The following MRC1 variants were observed in gnomAD, a reference collection of about 807,000 sequenced individuals.
MRC1 encodes the protein mannose receptor C-type 1, also known as macrophage mannose receptor 1.
In MRC1, 62 loss-of-function variants were observed where a neutral mutation model predicts 102.9. The ratio of observed to expected loss-of-function variants is 0.60; its 90% CI spans 0.49 to 0.74. MRC1 has a LOEUF of 0.74. Among genes scored for constraint, MRC1 ranks in the 30% least tolerant of loss-of-function variants. The pLI, the probability that MRC1 is intolerant of heterozygous loss-of-function variation, is 0.00. For synonymous variants in MRC1, 457 were observed against 298.4 expected (o/e 1.53, Z -5.48); for missense variants, 1,237 against 862.8 (o/e 1.43, Z -5.43).
chr10:17,903,186 G>T (rs1833851467), intron 26 of MRC1, among the ~76,000 whole-genome samples: 1 of 151,552 alleles, frequency 6.6e-6, no homozygotes, highest in African/African-American at 2.4e-5. Context: ...TTTTCACTCT[G>T]CCAGTCTATG....
chr10:17,822,179 C>G (rs1484498405), intron 1 of MRC1, among the ~76,000 whole-genome samples: 2 of 152,116 alleles, frequency 1.3e-5, no homozygotes, highest in Admixed American at 6.5e-5. Context: ...TTCCAAATTA[C>G]AAATATAAAA....
intron 3 of MRC1, among the ~76,000 whole-genome samples, chr10:17,830,187 A>C (rs1375468718): frequency 6.6e-6 from 1 of 151,216 alleles, no homozygotes; most frequent in Non-Finnish European, 1.5e-5. Context: ...ACTGGAGTGC[A>C]TTAGCATGAT....
intron 21 of MRC1, among the ~76,000 whole-genome samples, chr10:17,883,250 C>T (rs889354698): frequency 6.6e-6 from 1 of 152,074 alleles, no homozygotes; most frequent in Non-Finnish European, 1.5e-5. Flanking sequence ...GTCTTAGCCT[C>T]CCAAGTAGCT....
intron 26 of MRC1, 104 bp downstream of exon 26, chr10:17,902,226 T>G: frequency 1.5e-6 from 1 of 660,280 alleles, no homozygotes; most frequent in South Asian, 2.0e-5. Flanking sequence ...CCTGTTTATA[T>G]TTTTAATGAT....
At chr10:17,829,180 C>T (rs1838529770) in intron 3 of MRC1, among the ~76,000 whole-genome samples, 1 of 151,518 alleles carries the variant, frequency 6.6e-6, no homozygotes, top group South Asian at 2.1e-4. Flanking sequence ...ACAATAGAAT[C>T]ACGACTATCA....
At chr10:17,815,289 G>T (rs1838293674) in intron 1 of MRC1, among the ~76,000 whole-genome samples, 1 of 152,160 alleles carries the variant, frequency 6.6e-6, no homozygotes, top group South Asian at 2.1e-4. Flanking sequence ...AAATCCTAGA[G>T]CTCTGATTAT....
chr10:17,887,725 C>G (rs1184066017), intron 22 of MRC1, among the ~76,000 whole-genome samples: 1 of 152,170 alleles, frequency 6.6e-6, no homozygotes. Context: ...TTTTTTCTCC[C>G]AGACATTTTC....
intron 5 of MRC1, among the ~76,000 whole-genome samples, chr10:17,844,052 G>A (rs1043659989): frequency 2.0e-5 from 3 of 152,248 alleles, no homozygotes; most frequent in African/African-American, 4.8e-5. Context: ...CTTTAGCAAC[G>A]TTGACTTTAT....
chr10:17,891,722 T>G (rs2130706045), intron 22 of MRC1, among the ~76,000 whole-genome samples: 1 of 152,324 alleles, frequency 6.6e-6, no homozygotes. Context: ...CTGTTTGCTG[T>G]CACTTTAGGT....
rs925970725 is a variant in MRC1, at chr10:17,839,927, G to A, written c.803-766G>A. On this transcript the variant is annotated intron_variant, in intron 4 of 29. Transcript: ENST00000569591. ...TACAAAAAAAAAAAATTAGCCAGGC[G>A]TGGTGGCGGTCACCTGTAATCCCAG... 6.9e-3 allele frequency among the ~76,000 whole-genome samples: 1,052 copies of A among 151,812 alleles called. 13 individuals are homozygous for A. Among genetic ancestry groups the A allele is most frequent in the African/African-American group, 0.024 (1,005 of 41,388 alleles).
At chr10:17,827,990 C>G (rs1838506940) in intron 3 of MRC1, among the ~76,000 whole-genome samples, 1 of 152,228 alleles carries the variant, frequency 6.6e-6, no homozygotes, top group Non-Finnish European at 1.5e-5. Context: ...GTCACCCCTA[C>G]TGTCTCAGCA....
chr10:17,835,711 G>A (rs984723753), intron 4 of MRC1, among the ~76,000 whole-genome samples: 1 of 152,200 alleles, frequency 6.6e-6, no homozygotes, highest in Non-Finnish European at 1.5e-5. Context: ...TCAGTCTCCT[G>A]TTTGGAAAAC....
intron 2 of MRC1, among the ~76,000 whole-genome samples, chr10:17,825,739 A>G (rs1246804778): frequency 1.3e-5 from 2 of 152,210 alleles, no homozygotes; most frequent in Non-Finnish European, 2.9e-5. Flanking sequence ...TCTCAAAAAT[A>G]AAATAAGTAA....
chr10:17,856,425 G>A (rs1589180625), intron 9 of MRC1, 73 bp downstream of exon 9: 3 of 795,946 alleles, frequency 3.8e-6, no homozygotes, highest in African/African-American at 3.4e-5. Flanking sequence ...ATTTTTATGT[G>A]TGAAAGTGCC....
Position 17,885,446 on chromosome 10 carries a change from G to T in MRC1, c.3147+11G>T. The T allele has an allele frequency of 2.6e-6, 2 of 780,546 alleles. No individual in the cohort carries two copies. Among genetic ancestry groups the T allele is most frequent in the Non-Finnish European group, 4.8e-6 (2 of 417,922 alleles). 48.4% of individuals were successfully genotyped at this position (780,546 alleles called of 1,614,324 possible). ...CTTTCTTATGAAGATGTAAATATCAGATTCAGGTCACCTCTCTACACACCA... is the reference window on the plus strand; with the variant it reads ...CTTTCTTATGAAGATGTAAATATCATATTCAGGTCACCTCTCTACACACCA... On this transcript the variant is annotated intron_variant, in intron 22 of 29. Transcript: ENST00000569591.
intron 1 of MRC1, among the ~76,000 whole-genome samples, chr10:17,815,753 T>C (rs1163939863): frequency 7.9e-5 from 12 of 152,222 alleles, no homozygotes; most frequent in Non-Finnish European, 1.5e-4. Flanking sequence ...ATTTTGGGTC[T>C]GAATGAAGGA....
At chr10:17,879,613 T>C in intron 18 of MRC1, 108 bp from the exon 19 acceptor site, 2 of 779,430 alleles carry the variant, frequency 2.6e-6, no homozygotes, top group Non-Finnish European at 4.8e-6. Flanking sequence ...TCCACTCGCC[T>C]CGGCCTCCCA....
intron 1 of MRC1, among the ~76,000 whole-genome samples, chr10:17,813,620 A>C (rs1206087513): frequency 6.7e-6 from 1 of 148,946 alleles, no homozygotes; most frequent in Non-Finnish European, 1.5e-5. Context: ...TTTGGAACAT[A>C]GGGCTAGATT....
chr10:17,853,898 CA>C (rs1411145241), intron 8 of MRC1, among the ~76,000 whole-genome samples: 2 of 151,958 alleles, frequency 1.3e-5, no homozygotes, highest in African/African-American at 4.8e-5. Flanking sequence ...CCTTTATTTG[CA>C]AAATGGGAAT....
Sources: allele counts gnomAD v4.1 joint callset (sites outside exome capture counted in the v4.1 genomes callset), GRCh38; gene constraint gnomAD v4.1.1; transcripts MANE v1.5; gene names NCBI Gene and HGNC (gene_info 2026-07-23, HGNC 2026-07-21).